Variants in BCL2L13 observed in about 807,000 individuals in gnomAD.
The protein encoded by BCL2L13 is BCL2 like 13, also known as bcl-2-like protein 13.
In BCL2L13, 13 loss-of-function variants were observed where a neutral mutation model predicts 25.8. The ratio of observed to expected loss-of-function variants is 0.50; its 90% CI spans 0.33 to 0.80. The LOEUF is 0.80. Ranked by LOEUF, BCL2L13 falls within the 30% of genes least tolerant of loss-of-function variation. BCL2L13 has a pLI of 0.02. For synonymous variants in BCL2L13, 244 were observed against 230.3 expected, an observed-to-expected ratio of 1.06 and a Z score of -0.54; for missense variants, 504 against 574.9, an observed-to-expected ratio of 0.88 and a Z score of 1.26.
intron 6 of BCL2L13, among the ~76,000 whole-genome samples, chr22:17,713,638 T>C (rs1180418750): frequency 6.6e-6 from 1 of 151,670 alleles, no homozygotes; most frequent in African/African-American, 2.4e-5. Flanking sequence ...ATTTTTGTAT[T>C]TTTAGTAGAG....
chr22:17,727,524 G>A lies in BCL2L13; in HGVS notation c.1448G>A (p.Arg483Lys). The change falls in exon 7 of 7, where the codon AGA (arginine) becomes AAA (lysine). Residue 483 changes from arginine (R) to lysine (K), a missense_variant. Physicochemically the swap from Arg to Lys is conservative, Grantham distance 26 (BLOSUM62 2). Coordinates refer to ENST00000317582, the MANE Select transcript of BCL2L13 (RefSeq NM_015367.4). The stretch of plus-strand genomic sequence containing the variant: ...GCCATCGGGGTAGCCCTGGCTCTGA[G>A]AAAGAAATAGGAGGCTTTTCAGAAG... Reference protein sequence around the residue: ...AVAIGVALALRKK With the variant: ...AVAIGVALALKKK The A allele has an allele frequency of 6.2e-7, 1 of 1,613,964 alleles. No homozygotes were observed. The highest frequency in any genetic ancestry group is 8.5e-7 in the Non-Finnish European group (1 of 1,179,864).
At chr22:17,715,581 C>T (rs1010253441) in intron 6 of BCL2L13, among the ~76,000 whole-genome samples, 5 of 152,038 alleles carry the variant, frequency 3.3e-5, no homozygotes, top group African/African-American at 1.2e-4. Flanking sequence ...AAAGTGAAAC[C>T]AGTGCAACAA....
chr22:17,666,497 A>T (rs955507866), intron 2 of BCL2L13, among the ~76,000 whole-genome samples: 1 of 151,906 alleles, frequency 6.6e-6, no homozygotes. Flanking sequence ...CCAGACCCCC[A>T]TTACCCTTCT....
intron 6 of BCL2L13, among the ~76,000 whole-genome samples, chr22:17,715,153 TATATATATATATATATA>T (rs1451164887): frequency 0.045 from 245 of 5,404 alleles, 6 homozygotes; most frequent in Admixed American, 0.069. Flanking sequence ...TATATATATA[TATATATATATATATATA>T]TTTTTTTTTT....
chr22:17,722,929 C>T (rs984906128), intron 6 of BCL2L13, among the ~76,000 whole-genome samples: 1 of 152,136 alleles, frequency 6.6e-6, no homozygotes, highest in African/African-American at 2.4e-5. Flanking sequence ...CCACATTGGA[C>T]TTAAAAATGT....
chr22:17,694,235 C>T (rs140978107), intron 4 of BCL2L13, among the ~76,000 whole-genome samples: 18 of 151,938 alleles, frequency 1.2e-4, no homozygotes, highest in African/African-American at 3.9e-4. Context: ...TGCATGAAAC[C>T]GTGCTTTAAA....
At chr22:17,640,872 T>A (rs1429210035) in intron 1 of BCL2L13, among the ~76,000 whole-genome samples, 2 of 141,650 alleles carry the variant, frequency 1.4e-5, no homozygotes, top group Non-Finnish European at 1.5e-5. Flanking sequence ...TATGTTTGTT[T>A]ATTAATTTTT....
chr22:17,694,519 T>A (rs954934156), intron 4 of BCL2L13, among the ~76,000 whole-genome samples: 3 of 151,862 alleles, frequency 2.0e-5, no homozygotes, highest in Admixed American at 6.6e-5. Flanking sequence ...AAAAAAAAAT[T>A]TTTTTTTAAT....
intron 1 of BCL2L13, among the ~76,000 whole-genome samples, chr22:17,633,289 C>G (rs550527618): frequency 6.6e-6 from 1 of 152,268 alleles, no homozygotes; most frequent in Non-Finnish European, 1.5e-5. Context: ...TTTGCTGATT[C>G]ACCAAGGAAC....
At chr22:17,685,760 C>T (rs375776062) in intron 3 of BCL2L13, among the ~76,000 whole-genome samples, 1,240 of 58,918 alleles carry the variant, frequency 0.021, no homozygotes, top group Middle Eastern at 0.048. Context: ...TTTTCTTTTT[C>T]TTTTTTTTTT....
At position 17,714,320 on chromosome 22, in the gene BCL2L13, C is replaced by T. The variant is rs1001452480; in HGVS notation, c.600+11934C>T. On this transcript the variant is annotated intron_variant, in intron 6 of 6. Transcript: ENST00000317582. The stretch of plus-strand genomic sequence containing the variant: ...AAAAAAAATTAGCCAGGTGTGATGG[C>T]GCACACCTGTAATCCCAGCTACTTG... Among the ~76,000 whole-genome samples the T allele has an allele frequency of 6.6e-5, 10 of 151,546 alleles. No homozygotes were observed. The South Asian group carries it at 1.3e-3, about 19-fold the overall frequency.
intron 1 of BCL2L13, among the ~76,000 whole-genome samples, chr22:17,630,174 G>A (rs527372203): frequency 1.4e-5 from 2 of 143,870 alleles, no homozygotes; most frequent in South Asian, 4.3e-4. Context: ...CCAAGATCGT[G>A]CCACTGCACT....
chr22:17,639,530 A>G (rs1346762194), intron 1 of BCL2L13, among the ~76,000 whole-genome samples: 1 of 152,158 alleles, frequency 6.6e-6, no homozygotes, highest in East Asian at 1.9e-4. Context: ...TGGAGGCTCT[A>G]ACCTAGCGTT....
intron 2 of BCL2L13, among the ~76,000 whole-genome samples, chr22:17,667,963 CTTTT>C (rs71201863): frequency 4.2e-5 from 3 of 71,698 alleles, no homozygotes; most frequent in Middle Eastern, 8.6e-3. Context: ...TCCAGTTTGT[CTTTT>C]TTTTTTTTTT....
rs753724886 is a variant in BCL2L13, at chr22:17,726,826, G to A, written c.750G>A (p.Glu250=). Residue 250 remains glutamate (E), a synonymous_variant, in exon 7 of 7, where the codon GAG becomes GAA. Transcript: ENST00000317582. ...CTGTGACCACTTCCTGGCAGTCTGA[G>A]AGCTTACCTGTGTCACTGTCAGCTA... ...SPTVTTSWQS[E]SLPVSLSASQ... is the part of the protein sequence containing the mutation. 1.9e-6 allele frequency: 3 copies of A among 1,613,966 alleles called. 1 individual carries two copies. In the South Asian group the frequency reaches 3.3e-5, roughly 18 times the overall value.
rs1371633244 is a variant in BCL2L13, at chr22:17,660,561, C to T, written c.121+4729C>T. On this transcript the variant is annotated intron_variant, in intron 2 of 6. Coordinates refer to ENST00000317582, the MANE Select transcript of BCL2L13 (RefSeq NM_015367.4). ...CAGCCTCCGAGGAGCTGGAAGTACTCGAACAGGCCCGCGCCACCATACCTG... is the reference window on the plus strand; with the variant it reads ...CAGCCTCCGAGGAGCTGGAAGTACTTGAACAGGCCCGCGCCACCATACCTG... Among the ~76,000 whole-genome samples the T allele has an allele frequency of 3.5e-5, 5 of 143,018 alleles. 1 individual carries two copies. Among genetic ancestry groups the T allele is most frequent in the Non-Finnish European group, 7.9e-5 (5 of 62,980 alleles). The allele number at this position is 143,018 out of a possible 152,430, so 93.8% of individuals were successfully genotyped here.
chr22:17,637,562 G>A (rs1327793193), upstream of BCL2L13, among the ~76,000 whole-genome samples: 4 of 151,962 alleles, frequency 2.6e-5, no homozygotes, highest in Non-Finnish European at 5.9e-5. Context: ...TTTTAGTACA[G>A]ATGGGGAGTT....
rs1312950363 is a variant in BCL2L13 at position 17,727,268 on chromosome 22, G to A, written c.1192G>A (p.Val398Met). 1.9e-6 allele frequency: 3 copies of A among 1,614,236 alleles called. No individual in the cohort carries two copies. Among genetic ancestry groups the A allele is most frequent in the South Asian group, 1.1e-5 (1 of 91,082 alleles). Residue 398 changes from valine (V) to methionine (M), a missense_variant, in exon 7 of 7, where the codon GTG (valine) becomes ATG (methionine). By Grantham distance (21) the Val-to-Met change is conservative. Transcript: ENST00000317582. ...ATTEPTEVEEVVPALEPTETL... is the reference protein window; with the variant it reads ...ATTEPTEVEEMVPALEPTETL... The stretch of plus-strand genomic sequence containing the variant: ...AACTGAACCTACTGAAGTGGAGGAG[G>A]TGGTCCCCGCACTGGAACCCACAGA...
chr22:17,631,686 A>ATATATATATATT (rs2058025025), intron 1 of BCL2L13, among the ~76,000 whole-genome samples: 1 of 51,804 alleles, frequency 1.9e-5, no homozygotes, highest in African/African-American at 7.5e-5. Context: ...ATATATATAT[A>ATATATATATATT]TATATATATA....
Sources: allele counts gnomAD v4.1 joint callset (sites outside exome capture counted in the v4.1 genomes callset), GRCh38; gene constraint gnomAD v4.1.1; transcripts MANE v1.5; gene names NCBI Gene and HGNC (gene_info 2026-07-23, HGNC 2026-07-21).